SAMD5: variants seen among roughly 807,000 people sequenced by gnomAD.
The protein encoded by SAMD5 is sterile alpha motif domain containing 5, also known as sterile alpha motif domain-containing protein 5.
SAMD5 carries 13 observed loss-of-function variants against 11.3 expected under a neutral mutation model. The ratio of observed to expected loss-of-function variants is 1.15; its 90% confidence interval spans 0.75 to 1.83. The LOEUF is 1.83. Among genes scored for constraint, SAMD5 ranks in the 40% most tolerant of loss-of-function variants. The pLI, the probability that SAMD5 is intolerant of heterozygous loss-of-function variation, is 0.00. For missense variants in SAMD5, 255 were observed against 239.1 expected (o/e 1.07, Z -0.44); for synonymous variants, 129 against 111.3 (o/e 1.16, Z -1.00).
At chr6:147,874,969 G>GT in the SAMD5 span, among the ~76,000 whole-genome samples, 1 of 152,022 alleles carries the variant, frequency 6.6e-6, no homozygotes, top group Non-Finnish European at 1.5e-5. Flanking sequence ...TGCCCAAATG[G>GT]TAAGAGAGGA....
the SAMD5 span, among the ~76,000 whole-genome samples, chr6:147,830,984 A>G: frequency 3.3e-5 from 5 of 152,240 alleles, no homozygotes; most frequent in East Asian, 9.6e-4. Flanking sequence ...TCAAGTACGA[A>G]GTTACGTACA....
At chr6:147,915,803 C>T in the SAMD5 span, among the ~76,000 whole-genome samples, 1 of 152,122 alleles carries the variant, frequency 6.6e-6, no homozygotes, top group African/African-American at 2.4e-5. Flanking sequence ...GCACAATGTG[C>T]AGGTTTGTTA....
the SAMD5 span, among the ~76,000 whole-genome samples, chr6:147,755,968 CAAG>C: frequency 6.6e-6 from 1 of 152,002 alleles, no homozygotes; most frequent in Non-Finnish European, 1.5e-5. Flanking sequence ...AAACTTATAA[CAAG>C]GCCATTTCTC....
rs995424729 is a variant in SAMD5, at chr6:147,662,620, A to G, written c.163-74697A>G. ...GCCTTCACCTTGTTGATGAATGCACATCGGTGTATCAGGTCCCCTCACTTA... is the reference window on the plus strand; with the variant it reads ...GCCTTCACCTTGTTGATGAATGCACGTCGGTGTATCAGGTCCCCTCACTTA... On this transcript the variant is annotated intron_variant, in intron 1 of 1. Transcript: ENST00000566741. 3.9e-5 allele frequency among the ~76,000 whole-genome samples: 6 copies of G among 152,238 alleles called. No homozygotes were observed. In the East Asian group the frequency reaches 5.8e-4, roughly 15 times the overall value.
rs544938806 is a variant in SAMD5, at chr6:147,508,953, T to C, written c.25T>C (p.Trp9Arg). 4 of 1,600,522 alleles carry C rather than the reference T, an allele frequency of 2.5e-6. No individual in the cohort carries two copies. In the African/African-American group the frequency reaches 5.4e-5, roughly 22 times the overall value. ...CATGTGCACCAACATAGTTTACGAG[T>C]GGCTCAAAGCGCTGCAGCTTCCGCA... The part of the protein sequence containing the change: MCTNIVYE[W>R]LKALQLPQYA... Residue 9 changes from tryptophan (W) to arginine (R), a missense_variant, in exon 1 of 2, where the codon TGG becomes CGG. Coordinates refer to ENST00000367474, the MANE Select transcript of SAMD5 (RefSeq NM_001030060.3).
chr6:147,644,295 T>C (rs1371020644), intron 1 of SAMD5, among the ~76,000 whole-genome samples: 1 of 152,174 alleles, frequency 6.6e-6, no homozygotes, highest in African/African-American at 2.4e-5. Flanking sequence ...CATGTATTGC[T>C]TTAGGTTTAG....
the SAMD5 span, among the ~76,000 whole-genome samples, chr6:147,894,450 T>C: frequency 2.6e-5 from 4 of 152,140 alleles, no homozygotes; most frequent in Non-Finnish European, 5.9e-5. Flanking sequence ...ACTGACTCTG[T>C]AGGTCACCCA....
At chr6:147,945,406 GA>G in the SAMD5 span, among the ~76,000 whole-genome samples, 1 of 152,114 alleles carries the variant, frequency 6.6e-6, no homozygotes, top group East Asian at 1.9e-4. Flanking sequence ...TTGAAGAACA[GA>G]ACAATATATT....
chr6:147,755,207 A>AT, the SAMD5 span, among the ~76,000 whole-genome samples: 4 of 151,744 alleles, frequency 2.6e-5, no homozygotes, highest in East Asian at 7.7e-4. Flanking sequence ...AATATTTTTT[A>AT]TTTTTTGGTG....
chr6:147,663,796 A>T (rs1790678826), intron 1 of SAMD5, among the ~76,000 whole-genome samples: 1 of 137,296 alleles, frequency 7.3e-6, no homozygotes, highest in Admixed American at 7.5e-5. Context: ...TGTCTCAAAA[A>T]AAAAAAAAAA....
chr6:147,708,884 C>T (rs917205427), intron 1 of SAMD5, among the ~76,000 whole-genome samples: 1 of 152,270 alleles, frequency 6.6e-6, no homozygotes, highest in South Asian at 2.1e-4. Context: ...GCAGTGGTGT[C>T]CCAGTCTGTC....
At chr6:147,539,857 G>A (rs1420287286) in intron 1 of SAMD5, among the ~76,000 whole-genome samples, 3 of 151,818 alleles carry the variant, frequency 2.0e-5, no homozygotes, top group Admixed American at 6.6e-5. Context: ...TTTAATCATA[G>A]TGTTTAAAAA....
chr6:147,667,757 T>C (rs1450703719), intron 1 of SAMD5, among the ~76,000 whole-genome samples: 3 of 152,188 alleles, frequency 2.0e-5, no homozygotes, highest in Non-Finnish European at 2.9e-5. Context: ...TATTTTCTTC[T>C]TCTGTCTCCT....
chr6:147,859,336 G>A, the SAMD5 span, among the ~76,000 whole-genome samples: 3 of 152,136 alleles, frequency 2.0e-5, no homozygotes, highest in East Asian at 1.9e-4. Context: ...CCTACCATAG[G>A]AAACAATTGA....
At chr6:147,893,189 C>T in the SAMD5 span, among the ~76,000 whole-genome samples, 16 of 145,360 alleles carry the variant, frequency 1.1e-4, no homozygotes, top group Non-Finnish European at 2.4e-4. Flanking sequence ...GCAATGAGAG[C>T]GAAACTCTGT....
At chr6:147,699,307 T>C (rs530138744) in intron 1 of SAMD5, among the ~76,000 whole-genome samples, 4 of 152,302 alleles carry the variant, frequency 2.6e-5, no homozygotes, top group African/African-American at 9.6e-5. Context: ...TATGGGAAAA[T>C]GAATTACTGC....
At chr6:147,830,437 A>G in the SAMD5 span, among the ~76,000 whole-genome samples, 5 of 151,374 alleles carry the variant, frequency 3.3e-5, no homozygotes, top group Non-Finnish European at 7.4e-5. Flanking sequence ...TTGTATTTTT[A>G]GTGGAGACGG....
At chr6:147,686,514 A>T (rs1408866524) in intron 1 of SAMD5, among the ~76,000 whole-genome samples, 2 of 152,188 alleles carry the variant, frequency 1.3e-5, no homozygotes, top group Non-Finnish European at 2.9e-5. Context: ...AGTCTCATGT[A>T]TTTAAAAGAT....
chr6:147,657,559 T>C (rs1790588751), intron 1 of SAMD5, among the ~76,000 whole-genome samples: 1 of 152,196 alleles, frequency 6.6e-6, no homozygotes, highest in Admixed American at 6.6e-5. Flanking sequence ...CTGGTTGTCT[T>C]TGTCAGCTGA....
Sources: allele counts gnomAD v4.1 joint callset (sites outside exome capture counted in the v4.1 genomes callset), GRCh38; gene constraint gnomAD v4.1.1; transcripts MANE v1.5; gene names NCBI Gene and HGNC (gene_info 2026-07-23, HGNC 2026-07-21).